Variants in TMTC1 observed in about 807,000 individuals in gnomAD.
The protein encoded by TMTC1 is transmembrane O-mannosyltransferase targeting cadherins 1.
Under a neutral mutation model 104.8 loss-of-function variants are expected in TMTC1, and 73 were observed. The observed-to-expected ratio is 0.70, with a 90% CI of 0.58 to 0.85. The LOEUF is 0.85. Among genes scored for constraint, TMTC1 ranks in the 40% least tolerant of loss-of-function variants. The pLI, the probability that TMTC1 is intolerant of heterozygous loss-of-function variation, is 0.00. For missense variants in TMTC1, 1,035 were observed against 1,096.1 expected, an observed-to-expected ratio of 0.94 and a Z score of 0.79; for synonymous variants, 434 against 428.7, an observed-to-expected ratio of 1.01 and a Z score of -0.15.
chr12:29,745,440 T>C (rs1942927779), intron 5 of TMTC1, among the ~76,000 whole-genome samples: 1 of 151,862 alleles, frequency 6.6e-6, no homozygotes, highest in Non-Finnish European at 1.5e-5. Flanking sequence ...CCGGCCAACA[T>C]GGTGAAACCC....
intron 5 of TMTC1, among the ~76,000 whole-genome samples, chr12:29,743,180 C>T (rs567224732): frequency 8.5e-5 from 13 of 152,210 alleles, no homozygotes; most frequent in Admixed American, 2.0e-4. Context: ...AGACACAGAG[C>T]GTGTAAGCAA....
Position 29,767,893 on chromosome 12 carries a change from C to T in TMTC1, c.480+5G>A. ...GTTATTTCACTGAGATCCAATTACA[C>T]TTACCGCCTCAGTATGAATAGGATG... On this transcript the variant is annotated splice_donor_5th_base_variant and intron_variant, in intron 2 of 17. Coordinates refer to ENST00000539277, the MANE Select transcript of TMTC1 (RefSeq NM_001193451.2). 2 of 1,613,354 alleles carry T rather than the reference C, an allele frequency of 1.2e-6. No individual in the cohort carries two copies. The highest frequency in any genetic ancestry group is 1.7e-6 in the Non-Finnish European group (2 of 1,179,630).
At chr12:29,719,910 C>CCT (rs1457761150) in intron 5 of TMTC1, among the ~76,000 whole-genome samples, 4 of 152,142 alleles carry the variant, frequency 2.6e-5, no homozygotes, top group Non-Finnish European at 5.9e-5. Context: ...AAGAAATTCA[C>CCT]CTCTATCTGT....
intron 4 of TMTC1, among the ~76,000 whole-genome samples, chr12:29,753,590 C>T (rs565603819): frequency 6.6e-5 from 10 of 152,370 alleles, no homozygotes; most frequent in East Asian, 1.9e-4. Flanking sequence ...GCACAGGGCC[C>T]GCCCTTAGGT....
chr12:29,534,969 C>A (rs944700728), intron 11 of TMTC1: 1 of 152,114 alleles, frequency 6.6e-6, no homozygotes, highest in Non-Finnish European at 1.5e-5. Context: ...GGTCAGAAAC[C>A]AGCATGATAT....
rs12426386 is a variant in TMTC1 at position 29,543,238 on chromosome 12, C to G, written c.1677-6921G>C. On this transcript the variant is annotated intron_variant, in intron 10 of 17. Transcript: ENST00000539277. Reference sequence around the variant, plus strand: ...AAGTAAAAACATTTGCATCGTGTCACTTTCATGGCTCCATGTCAGTGACAG... The same window carrying G: ...AAGTAAAAACATTTGCATCGTGTCAGTTTCATGGCTCCATGTCAGTGACAG... Among the ~76,000 whole-genome samples the G allele has an allele frequency of 9.6e-3, 1,457 of 152,320 alleles. 16 individuals carry two copies. Among genetic ancestry groups the G allele is most frequent in the South Asian group, 0.038 (181 of 4,824 alleles).
intron 5 of TMTC1, among the ~76,000 whole-genome samples, chr12:29,644,072 TAGATAAATATAAATATAA>T (rs1387190292): frequency 1.1e-4 from 3 of 27,432 alleles, no homozygotes; most frequent in Non-Finnish European, 1.8e-4. Flanking sequence ...ATATAATTTA[TAGATAAATATAAATATAA>T]ATATAAATAT....
At chr12:29,537,068 A>T (rs1046453493) in intron 10 of TMTC1, among the ~76,000 whole-genome samples, 21 of 152,288 alleles carry the variant, frequency 1.4e-4, no homozygotes, top group Admixed American at 7.2e-4. Flanking sequence ...TTATGCTGAT[A>T]TCAATATCTT....
intron 5 of TMTC1, among the ~76,000 whole-genome samples, chr12:29,715,705 C>T (rs1413944390): frequency 6.6e-6 from 1 of 152,100 alleles, no homozygotes; most frequent in Non-Finnish European, 1.5e-5. Flanking sequence ...GTTTAATTGA[C>T]TCAGAGTTCC....
At chr12:29,763,636 T>C (rs1193706007) in intron 2 of TMTC1, among the ~76,000 whole-genome samples, 1 of 152,172 alleles carries the variant, frequency 6.6e-6, no homozygotes, top group East Asian at 1.9e-4. Context: ...GAGAAACCAT[T>C]ACCAAGAGAA....
chr12:29,760,297 G>C lies in TMTC1; in HGVS notation c.481-1520C>G, dbSNP rs1033437033. ...ATACAGCAAGCAAGTGAATGGGAAA[G>C]AAAGGAGACCTCTTCCTTCATTAAA... On this transcript the variant is annotated intron_variant, in intron 2 of 17. Transcript: ENST00000539277. Among the ~76,000 whole-genome samples, 6 of 152,316 alleles carry C rather than the reference G, an allele frequency of 3.9e-5. No individual in the cohort carries two copies. In the South Asian group the frequency reaches 8.3e-4, roughly 21 times the overall value.
At chr12:29,608,583 T>C (rs1020385656) in intron 6 of TMTC1, among the ~76,000 whole-genome samples, 1 of 152,238 alleles carries the variant, frequency 6.6e-6, no homozygotes, top group Non-Finnish European at 1.5e-5. Flanking sequence ...GAAAAGGAAT[T>C]GATACCTATA....
rs1362517524 is a variant in TMTC1 at position 29,672,613 on chromosome 12, G to T, written c.939-39277C>A. Among the ~76,000 whole-genome samples the T allele has an allele frequency of 3.3e-5, 5 of 152,260 alleles. No individual in the cohort carries two copies. In the South Asian group the frequency reaches 8.3e-4, roughly 25 times the overall value. ...CTACAAATTCACTTTCTCCAATCTA[G>T]TTTTCAATCTAGGGCCCTCCATAGC... On this transcript the variant is annotated intron_variant, in intron 5 of 17. Coordinates refer to ENST00000539277, the MANE Select transcript of TMTC1 (RefSeq NM_001193451.2).
chr12:29,550,903 C>T (rs1945078436), intron 10 of TMTC1, among the ~76,000 whole-genome samples: 1 of 120,824 alleles, frequency 8.3e-6, no homozygotes, highest in Admixed American at 9.5e-5. Context: ...CACTGCACTC[C>T]AGCCTGGGGG....
intron 5 of TMTC1, among the ~76,000 whole-genome samples, chr12:29,651,561 C>T (rs1939520113): frequency 6.6e-6 from 1 of 152,186 alleles, no homozygotes; most frequent in Non-Finnish European, 1.5e-5. Flanking sequence ...GATGGCAGGA[C>T]TATAAAATGC....
At chr12:29,750,695 T>C (rs958236272) in intron 5 of TMTC1, among the ~76,000 whole-genome samples, 37 of 152,336 alleles carry the variant, frequency 2.4e-4, no homozygotes, top group Middle Eastern at 3.4e-3. Flanking sequence ...GCTAATCTTA[T>C]GAATGGAATT....
At chr12:29,771,873 A>G (rs1322180801) in intron 1 of TMTC1, among the ~76,000 whole-genome samples, 2 of 152,208 alleles carry the variant, frequency 1.3e-5, no homozygotes, top group Admixed American at 6.5e-5. Context: ...GACAGAAATA[A>G]TGCCAAGTTC....
chr12:29,585,365 A>C (rs1203383573), intron 7 of TMTC1, among the ~76,000 whole-genome samples: 1 of 152,136 alleles, frequency 6.6e-6, no homozygotes, highest in Admixed American at 6.5e-5. Flanking sequence ...AGTAGGTTGC[A>C]AAAATTTTCT....
At chr12:29,634,384 T>C (rs1938447331) in intron 5 of TMTC1, among the ~76,000 whole-genome samples, 1 of 152,156 alleles carries the variant, frequency 6.6e-6, no homozygotes, top group Non-Finnish European at 1.5e-5. Flanking sequence ...TTGAGAACTG[T>C]CAGCCAGTGG....
Sources: allele counts gnomAD v4.1 joint callset (sites outside exome capture counted in the v4.1 genomes callset), GRCh38; gene constraint gnomAD v4.1.1; transcripts MANE v1.5; gene names NCBI Gene and HGNC (gene_info 2026-07-23, HGNC 2026-07-21).